GRAP2: variants seen among roughly 807,000 people sequenced by gnomAD.
GRAP2 encodes the protein GRB2-related adapter protein 2.
Under a neutral mutation model 43.5 loss-of-function variants are expected in GRAP2, and 31 were observed. The ratio of observed to expected loss-of-function variants is 0.71; its 90% confidence interval spans 0.54 to 0.96. GRAP2 has a LOEUF of 0.96. Ranked by LOEUF, GRAP2 falls within the 40% of genes least tolerant of loss-of-function variation. The pLI, the probability that GRAP2 is intolerant of heterozygous loss-of-function variation, is 0.00. For synonymous variants in GRAP2, 156 were observed against 164.8 expected, an observed-to-expected ratio of 0.95 and a Z score of 0.41; for missense variants, 371 against 424.4, an observed-to-expected ratio of 0.87 and a Z score of 1.11.
In GRAP2 at chr22:39,970,985, G is replaced by A. The variant is rs1001382658; in HGVS notation, c.894G>A (p.Val298=). Residue 298 remains valine (V), a synonymous_variant, in exon 8 of 8, where the codon GTG becomes GTA. Coordinates refer to ENST00000344138, the MANE Select transcript of GRAP2 (RefSeq NM_004810.4). ...TGGGGTTCCACAGCGGGGAGGTGGT[G>A]GAGGTCCTGGATAGCTCCAACCCAT... ...DELGFHSGEV[V]EVLDSSNPSW... The A allele has an allele frequency of 1.9e-6, 3 of 1,613,646 alleles. No homozygotes were observed. Among genetic ancestry groups the A allele is most frequent in the East Asian group, 2.2e-5 (1 of 44,860 alleles).
the GRAP2 span, among the ~76,000 whole-genome samples, chr22:39,895,708 C>G: frequency 6.6e-6 from 1 of 152,092 alleles, no homozygotes; most frequent in African/African-American, 2.4e-5. Flanking sequence ...CTGCTATTTG[C>G]CAAGCACTAT....
intron 1 of GRAP2, among the ~76,000 whole-genome samples, chr22:39,907,368 A>G (rs2066530482): frequency 6.6e-6 from 1 of 152,226 alleles, no homozygotes; most frequent in African/African-American, 2.4e-5. Flanking sequence ...TCTGGTGTCC[A>G]TCCATCATAA....
Position 39,971,133 on chromosome 22 carries a change from AGGGC to A in GRAP2, c.*50_*53del, listed in dbSNP as rs1601749106. 20 of 1,443,658 alleles carry A rather than the reference AGGGC, an allele frequency of 1.4e-5. No homozygotes were observed. Among genetic ancestry groups the A allele is most frequent in the Middle Eastern group, 1.9e-4 (1 of 5,294 alleles). 89.4% of individuals were successfully genotyped at this position (1,443,658 alleles called of 1,614,324 possible). On this transcript the variant is annotated 3_prime_UTR_variant, in exon 8 of 8. Transcript: ENST00000344138. ...TTGTCTGGAGCTGCCCACAAGAAAG[AGGGC>A]AAGGAAAAAAGGCTGGACTCCATGA...
intron 1 of GRAP2, among the ~76,000 whole-genome samples, chr22:39,922,452 T>C (rs1307523207): frequency 1.3e-5 from 2 of 152,226 alleles, no homozygotes; most frequent in African/African-American, 4.8e-5. Context: ...ATGGGGCTGC[T>C]GTGACTGAGG....
chr22:39,925,053 C>T (rs967453335), intron 1 of GRAP2, among the ~76,000 whole-genome samples: 7 of 152,058 alleles, frequency 4.6e-5, no homozygotes, highest in South Asian at 2.1e-4. Flanking sequence ...GTGGGGGTTA[C>T]GGCAGGCAGG....
intron 2 of GRAP2, among the ~76,000 whole-genome samples, chr22:39,955,601 C>G (rs909781679): frequency 6.6e-6 from 1 of 152,138 alleles, no homozygotes; most frequent in African/African-American, 2.4e-5. Context: ...CACAAGTGGA[C>G]AGAAATAACC....
At chr22:39,965,352 G>A (rs1184160157) in intron 4 of GRAP2, among the ~76,000 whole-genome samples, 3 of 152,100 alleles carry the variant, frequency 2.0e-5, no homozygotes, top group South Asian at 2.1e-4. Context: ...CAGCCTGGGC[G>A]ACAGAGTGAG....
rs903121386 is a variant in GRAP2, at chr22:39,939,488, G to A, written c.-14-7605G>A. Among the ~76,000 whole-genome samples, 5 of 149,030 alleles carry A rather than the reference G, an allele frequency of 3.4e-5. 1 individual carries two copies. Among genetic ancestry groups the A allele is most frequent in the Admixed American group, 2.7e-4 (4 of 14,854 alleles). ...GAGGCAGGAGAATAGCATGAACCCG[G>A]GAGCTGGAGCTTGCAGTGAGTGGAG... On this transcript the variant is annotated intron_variant, in intron 1 of 7. Coordinates refer to ENST00000344138, the MANE Select transcript of GRAP2 (RefSeq NM_004810.4).
chr22:39,967,991 A>G, intron 5 of GRAP2, 51 bp from the exon 6 acceptor site: 1 of 1,579,486 alleles, frequency 6.3e-7, no homozygotes, highest in Non-Finnish European at 8.6e-7. Context: ...GGGTAGGGCC[A>G]GACGATCAGA....
In GRAP2 at chr22:39,955,154, C is replaced by T. The variant is rs114371903; in HGVS notation, c.79-665C>T. 7.6e-3 allele frequency among the ~76,000 whole-genome samples: 1,153 copies of T among 152,178 alleles called. 13 individuals are homozygous for T. The highest frequency in any genetic ancestry group is 0.026 in the African/African-American group (1,090 of 41,516). On this transcript the variant is annotated intron_variant, in intron 2 of 7. Transcript: ENST00000344138. ...CAGGTGGATCACTAGGTCAAAGGAT[C>T]AAGACAGTCCCGGCCAATATGGTAA...
At chr22:39,908,565 G>A (rs1045791923) in intron 1 of GRAP2, among the ~76,000 whole-genome samples, 8 of 152,090 alleles carry the variant, frequency 5.3e-5, no homozygotes, top group African/African-American at 1.9e-4. Context: ...CCTTCTCCTT[G>A]ATTTTTTATT....
At chr22:39,949,512 T>C (rs2066959424) in intron 2 of GRAP2, among the ~76,000 whole-genome samples, 1 of 152,226 alleles carries the variant, frequency 6.6e-6, no homozygotes, top group African/African-American at 2.4e-5. Context: ...AACTCTGCTC[T>C]GAATGTATTT....
chr22:39,925,772 A>C (rs2066691524), intron 1 of GRAP2, among the ~76,000 whole-genome samples: 1 of 152,038 alleles, frequency 6.6e-6, no homozygotes, highest in Non-Finnish European at 1.5e-5. Context: ...ACTCTACACC[A>C]AGCCCCCCAG....
chr22:39,950,639 C>T (rs920264071), intron 2 of GRAP2, among the ~76,000 whole-genome samples: 1 of 152,214 alleles, frequency 6.6e-6, no homozygotes, highest in African/African-American at 2.4e-5. Flanking sequence ...AAAATAGATG[C>T]CCAGTACATA....
rs767989135 is a variant in GRAP2, at chr22:39,968,089, C to A, written c.507C>A (p.His169Gln). 7 of 1,612,290 alleles carry A rather than the reference C, an allele frequency of 4.3e-6. No individual in the cohort carries two copies. Among genetic ancestry groups the A allele is most frequent in the Non-Finnish European group, 5.9e-6 (7 of 1,179,080 alleles). ...SLDRRSQGGP[H>Q]LSGAVGEEIR... ...ACCGGAGGTCCCAGGGAGGCCCACA[C>A]CTCAGTGGGGCTGTGGGAGAAGAAA... is the stretch of plus-strand genomic sequence containing the variant. The change falls in exon 6 of 8, where the codon CAC (histidine) becomes CAA (glutamine). Residue 169 changes from histidine (H) to glutamine (Q), a missense_variant. Transcript: ENST00000344138.
At position 39,947,175 on chromosome 22, in the gene GRAP2, T is replaced by C. The variant is rs1440248031; in HGVS notation, c.69T>C (p.Asp23=). 1.9e-6 allele frequency: 3 copies of C among 1,585,266 alleles called. No homozygotes were observed. The highest frequency in any genetic ancestry group is 3.3e-5 in the Admixed American group (2 of 59,968). The change falls in exon 2 of 8, where the codon GAT becomes GAC. Residue 23 remains aspartate, a synonymous_variant. Transcript: ENST00000344138. ...GEDELSFHTG[D]VLKILSNQEE... is the part of the protein sequence containing the mutation. ...ATGAACTGAGCTTTCACACTGGAGA[T>C]GTTTTGAAGGTAGGTGACCTGGGGC...
intron 1 of GRAP2, among the ~76,000 whole-genome samples, chr22:39,936,004 A>G (rs2066802936): frequency 6.6e-6 from 1 of 152,216 alleles, no homozygotes; most frequent in Non-Finnish European, 1.5e-5. Flanking sequence ...AGTAAAAACA[A>G]ACATTAAGTG....
intron 1 of GRAP2, among the ~76,000 whole-genome samples, chr22:39,901,997 A>G (rs540969685): frequency 4.4e-4 from 67 of 152,304 alleles, no homozygotes; most frequent in South Asian, 1.7e-3. Context: ...TACCAACCAA[A>G]GGTTTCACTA....
intron 1 of GRAP2, among the ~76,000 whole-genome samples, chr22:39,933,140 TTAAG>T (rs2066773146): frequency 7.3e-6 from 1 of 136,806 alleles, no homozygotes; most frequent in Non-Finnish European, 1.5e-5. Flanking sequence ...GTGCCTTTGT[TTAAG>T]TAAGAAGAAT....
Sources: gnomAD v4.1 joint callset for allele counts (sites outside exome capture counted in the v4.1 genomes callset) on GRCh38, gnomAD v4.1.1 for gene constraint, MANE v1.5 for transcripts, NCBI Gene and HGNC (gene_info 2026-07-23, HGNC 2026-07-21) for gene names.